Variants in TCEA1 observed in about 807,000 individuals in gnomAD.
TCEA1 encodes the protein transcription elongation factor A protein 1.
A neutral mutation model predicts 43.8 loss-of-function variants in TCEA1; 21 were observed. The ratio of observed to expected loss-of-function variants is 0.48; its 90% CI spans 0.34 to 0.69. TCEA1 has a LOEUF of 0.69. Among genes scored for constraint, TCEA1 ranks in the 30% least tolerant of loss-of-function variants. TCEA1 has a pLI of 0.01. For synonymous variants in TCEA1, 104 were observed against 117.5 expected (o/e 0.88, Z 0.75); for missense variants, 250 against 365.1 (o/e 0.68, Z 2.57).
chr8:53,968,204 A>G, intron 9 of TCEA1, 92 bp from the exon 10 acceptor site: 1 of 1,002,550 alleles, frequency 1.0e-6, no homozygotes, highest in East Asian at 2.7e-5. Context: ...TATTGCTTTT[A>G]AAAAAGATGC....
At chr8:53,979,429 G>T (rs965163472) in intron 7 of TCEA1, among the ~76,000 whole-genome samples, 1 of 152,194 alleles carries the variant, frequency 6.6e-6, no homozygotes, top group African/African-American at 2.4e-5. Flanking sequence ...CCTTTGCAAA[G>T]ATTATGACAG....
intron 2 of TCEA1, among the ~76,000 whole-genome samples, chr8:54,001,900 T>G (rs920729496): frequency 6.7e-6 from 1 of 149,484 alleles, no homozygotes; most frequent in Non-Finnish European, 1.5e-5. Flanking sequence ...TCCCAGCACT[T>G]TGGGAGGCTG....
intron 4 of TCEA1, 117 bp downstream of exon 4, chr8:53,993,551 C>A (rs1173153620): frequency 6.8e-6 from 5 of 736,924 alleles, no homozygotes; most frequent in Non-Finnish European, 1.1e-5. Flanking sequence ...TTTACTACTT[C>A]CATTTGATTA....
At chr8:53,969,042 C>T (rs891563181) in intron 9 of TCEA1, among the ~76,000 whole-genome samples, 2 of 152,144 alleles carry the variant, frequency 1.3e-5, no homozygotes, top group Non-Finnish European at 2.9e-5. Flanking sequence ...GTAATCCCAG[C>T]ACTTTCGGAG....
At chr8:54,011,146 G>A (rs1157424812) in intron 1 of TCEA1, among the ~76,000 whole-genome samples, 1 of 152,190 alleles carries the variant, frequency 6.6e-6, no homozygotes, top group Non-Finnish European at 1.5e-5. Flanking sequence ...AATTATTTTA[G>A]AGTTGAAGTT....
chr8:53,989,078 A>C (rs1803787019), intron 4 of TCEA1, among the ~76,000 whole-genome samples: 1 of 151,998 alleles, frequency 6.6e-6, no homozygotes, highest in East Asian at 1.9e-4. Context: ...AAAAAAAAAA[A>C]AGAACAAAAA....
chr8:53,987,295 TA>T (rs1484802710), intron 5 of TCEA1, among the ~76,000 whole-genome samples: 2 of 152,220 alleles, frequency 1.3e-5, no homozygotes, highest in Non-Finnish European at 2.9e-5. Flanking sequence ...TCATTTTTCG[TA>T]ACTCCATAAA....
At chr8:53,995,554 G>A (rs1402121657) in intron 3 of TCEA1, among the ~76,000 whole-genome samples, 3 of 152,148 alleles carry the variant, frequency 2.0e-5, no homozygotes, top group Non-Finnish European at 2.9e-5. Context: ...AGTACATTTT[G>A]CTCCCTACAT....
intron 8 of TCEA1, among the ~76,000 whole-genome samples, chr8:53,978,061 T>C (rs748179137): frequency 7.9e-5 from 12 of 152,172 alleles, no homozygotes; most frequent in Non-Finnish European, 4.4e-5. Flanking sequence ...TCTGTGAAAG[T>C]ATAAATATAT....
At chr8:54,013,695 A>AC (rs1239223743) in intron 1 of TCEA1, among the ~76,000 whole-genome samples, 3 of 147,860 alleles carry the variant, frequency 2.0e-5, no homozygotes, top group Non-Finnish European at 3.0e-5. Context: ...AAAAAAAAAA[A>AC]AAAAAAACAA....
chr8:53,990,009 A>T (rs1803821782), intron 4 of TCEA1, among the ~76,000 whole-genome samples: 1 of 152,170 alleles, frequency 6.6e-6, no homozygotes, highest in Non-Finnish European at 1.5e-5. Flanking sequence ...CAGCCCGGAC[A>T]AAATAGTGAG....
At chr8:54,008,589 C>T (rs531325124) in intron 2 of TCEA1, among the ~76,000 whole-genome samples, 1 of 151,124 alleles carries the variant, frequency 6.6e-6, no homozygotes, top group South Asian at 2.1e-4. Flanking sequence ...CACTTCAGCC[C>T]AGGAGGTGGA....
At chr8:53,997,961 G>A (rs1294545228) in intron 3 of TCEA1, among the ~76,000 whole-genome samples, 1 of 152,158 alleles carries the variant, frequency 6.6e-6, no homozygotes, top group East Asian at 1.9e-4. Flanking sequence ...ATTCTGCCTT[G>A]AATATATTTC....
At chr8:53,988,787 C>A (rs1275972320) in intron 4 of TCEA1, among the ~76,000 whole-genome samples, 1 of 152,148 alleles carries the variant, frequency 6.6e-6, no homozygotes, top group Non-Finnish European at 1.5e-5. Flanking sequence ...CTCTGTTTCA[C>A]TGGGCATGGT....
At chr8:53,976,308 T>G (rs1300255320) in intron 8 of TCEA1, among the ~76,000 whole-genome samples, 1 of 152,184 alleles carries the variant, frequency 6.6e-6, no homozygotes, top group African/African-American at 2.4e-5. Context: ...AGCGTTCTAC[T>G]CACTTAAGGC....
At chr8:54,016,830 C>T (rs533931367) in intron 1 of TCEA1, among the ~76,000 whole-genome samples, 100 of 151,592 alleles carry the variant, frequency 6.6e-4, no homozygotes, top group African/African-American at 2.2e-3. Context: ...AAAAATTAGC[C>T]GGGTGTGGTG....
At chr8:53,978,459 C>T (rs893244799) in intron 8 of TCEA1, 1 of 150,868 alleles carries the variant, frequency 6.6e-6, no homozygotes, top group African/African-American at 2.5e-5. Context: ...TACCATCCTA[C>T]TCTGTCTCAC....
At chr8:54,003,786 T>C (rs370296233) in intron 2 of TCEA1, among the ~76,000 whole-genome samples, 7 of 151,030 alleles carry the variant, frequency 4.6e-5, no homozygotes, top group South Asian at 2.1e-4. Flanking sequence ...AAAGAAAAAA[T>C]AGAATATATC....
intron 1 of TCEA1, among the ~76,000 whole-genome samples, chr8:54,017,911 T>A (rs1804887569): frequency 6.6e-6 from 1 of 152,116 alleles, no homozygotes; most frequent in Non-Finnish European, 1.5e-5. Context: ...CATGACTGCA[T>A]GAGTTATACT....
Sources: gnomAD v4.1 joint callset for allele counts (sites outside exome capture counted in the v4.1 genomes callset) on GRCh38, gnomAD v4.1.1 for gene constraint, MANE v1.5 for transcripts, NCBI Gene and HGNC (gene_info 2026-07-23, HGNC 2026-07-21) for gene names.